ADGRB3: variants seen among roughly 807,000 people sequenced by gnomAD.
ADGRB3 encodes the protein brain-specific angiogenesis inhibitor 3.
ADGRB3 carries 37 observed loss-of-function variants against 193.4 expected under a neutral mutation model. That is an observed-to-expected ratio of 0.19 (90% CI 0.15 to 0.25). The LOEUF is 0.25. ADGRB3 is among the 10% of genes least tolerant of loss of function. The pLI, the probability that ADGRB3 is intolerant of heterozygous loss-of-function variation, is 1.00. For synonymous variants in ADGRB3, 690 were observed against 644.2 expected (o/e 1.07, Z -1.08); for missense variants, 1,637 against 1,852.9 (o/e 0.88, Z 2.14).
At chr6:69,083,061 T>C (rs1179464107) in intron 17 of ADGRB3, among the ~76,000 whole-genome samples, 1 of 152,152 alleles carries the variant, frequency 6.6e-6, no homozygotes, top group Non-Finnish European at 1.5e-5. Context: ...CCACATATAG[T>C]TCAGAATTTA....
intron 3 of ADGRB3, among the ~76,000 whole-genome samples, chr6:68,791,652 C>T (rs189784064): frequency 6.6e-6 from 1 of 152,162 alleles, no homozygotes; most frequent in East Asian, 1.9e-4. Context: ...GCCTCATTTG[C>T]CATATATGTA....
chr6:69,229,993 T>C (rs1362879307), intron 17 of ADGRB3, among the ~76,000 whole-genome samples: 1 of 152,126 alleles, frequency 6.6e-6, no homozygotes, highest in Non-Finnish European at 1.5e-5. Flanking sequence ...CAGGCTAATA[T>C]GGAGAAGAAG....
intron 3 of ADGRB3, among the ~76,000 whole-genome samples, chr6:68,690,561 C>G (rs1257480596): frequency 2.0e-5 from 3 of 151,988 alleles, no homozygotes; most frequent in Non-Finnish European, 4.4e-5. Flanking sequence ...GCATTTCTTG[C>G]CCCTGACTAC....
intron 11 of ADGRB3, among the ~76,000 whole-genome samples, chr6:68,995,317 T>G (rs1341722772): frequency 1.3e-5 from 2 of 152,186 alleles, no homozygotes; most frequent in African/African-American, 4.8e-5. Context: ...AGTTGTGATT[T>G]CAAAAAAATT....
intron 17 of ADGRB3, among the ~76,000 whole-genome samples, chr6:69,106,944 G>T (rs1265976363): frequency 6.6e-6 from 1 of 152,160 alleles, no homozygotes; most frequent in African/African-American, 2.4e-5. Context: ...AAGAAAAATG[G>T]AAGAAATTTT....
At chr6:69,223,900 G>C (rs1259285789) in intron 17 of ADGRB3, among the ~76,000 whole-genome samples, 3 of 151,700 alleles carry the variant, frequency 2.0e-5, no homozygotes, top group Admixed American at 2.0e-4. Context: ...CAAGTAATCT[G>C]TCCACCATAG....
chr6:68,701,874 C>A (rs943856421), intron 3 of ADGRB3, among the ~76,000 whole-genome samples: 1 of 152,140 alleles, frequency 6.6e-6, no homozygotes, highest in Non-Finnish European at 1.5e-5. Flanking sequence ...ATCCACTATC[C>A]TAATTACTCT....
chr6:68,825,076 C>T (rs1205931227), intron 3 of ADGRB3, among the ~76,000 whole-genome samples: 1 of 152,000 alleles, frequency 6.6e-6, no homozygotes, highest in African/African-American at 2.4e-5. Context: ...AGGCTGGCTT[C>T]GAATTCCTGA....
At chr6:69,033,110 A>G (rs1449238789) in intron 13 of ADGRB3, among the ~76,000 whole-genome samples, 1 of 152,176 alleles carries the variant, frequency 6.6e-6, no homozygotes, top group Non-Finnish European at 1.5e-5. Flanking sequence ...TACAAAGAAG[A>G]CCCAGATCTC....
chr6:69,340,761 C>A (rs1768956798), intron 26 of ADGRB3, among the ~76,000 whole-genome samples: 1 of 152,268 alleles, frequency 6.6e-6, no homozygotes, highest in South Asian at 2.1e-4. Context: ...GCCATCCCTC[C>A]TCTAGCCCCC....
At chr6:69,321,311 G>A (rs1333906597) in intron 20 of ADGRB3, among the ~76,000 whole-genome samples, 1 of 151,798 alleles carries the variant, frequency 6.6e-6, no homozygotes, top group African/African-American at 2.4e-5. Flanking sequence ...TTCATCAGCT[G>A]TGACACTGAT....
chr6:69,387,703 G>A (rs373108677), intron 31 of ADGRB3, among the ~76,000 whole-genome samples: 2 of 152,010 alleles, frequency 1.3e-5, no homozygotes, highest in South Asian at 2.1e-4. Flanking sequence ...CATGGTTTAG[G>A]TATGATAAGT....
chr6:69,249,313 A>T (rs1040569384), intron 20 of ADGRB3, among the ~76,000 whole-genome samples: 1 of 152,148 alleles, frequency 6.6e-6, no homozygotes, highest in Non-Finnish European at 1.5e-5. Flanking sequence ...CTAATCACAG[A>T]ATGCCTTCAC....
intron 3 of ADGRB3, among the ~76,000 whole-genome samples, chr6:68,697,789 GCT>G (rs1184539525): frequency 6.6e-6 from 1 of 151,904 alleles, no homozygotes; most frequent in Non-Finnish European, 1.5e-5. Flanking sequence ...TATAGGACTA[GCT>G]CTTTGCTGTT....
At chr6:68,936,332 G>T (rs1000255436) in intron 4 of ADGRB3, among the ~76,000 whole-genome samples, 187 bp from the exon 5 acceptor site, 5 of 152,142 alleles carry the variant, frequency 3.3e-5, no homozygotes, top group Non-Finnish European at 7.4e-5. Context: ...CTTGGTGTTT[G>T]CATCAGCATT....
chr6:68,749,408 ATGTGTGTGTGTGTGTGTGTG>A (rs60078030), intron 3 of ADGRB3, among the ~76,000 whole-genome samples: 2 of 136,490 alleles, frequency 1.5e-5, no homozygotes, highest in Non-Finnish European at 3.1e-5. Context: ...ATATATATAT[ATGTGTGTGTGTGTGTGTGTG>A]TGTGTGTGTG....
At chr6:69,202,705 A>G (rs1765452790) in intron 17 of ADGRB3, among the ~76,000 whole-genome samples, 1 of 152,176 alleles carries the variant, frequency 6.6e-6, no homozygotes, top group Non-Finnish European at 1.5e-5. Flanking sequence ...TTTATGAACA[A>G]CATTTCTTAT....
intron 3 of ADGRB3, among the ~76,000 whole-genome samples, chr6:68,733,234 A>G (rs1045200626): frequency 2.0e-5 from 3 of 148,122 alleles, no homozygotes; most frequent in African/African-American, 7.4e-5. Flanking sequence ...TTATATCTAT[A>G]TATATATAAA....
chr6:69,280,573 G>A (rs1767413172), intron 20 of ADGRB3, among the ~76,000 whole-genome samples: 1 of 152,226 alleles, frequency 6.6e-6, no homozygotes, highest in Admixed American at 6.5e-5. Context: ...CTACTTCACG[G>A]CAATATTGTG....
Sources: allele counts gnomAD v4.1 joint callset (sites outside exome capture counted in the v4.1 genomes callset), GRCh38; gene constraint gnomAD v4.1.1; transcripts MANE v1.5; gene names NCBI Gene and HGNC (gene_info 2026-07-23, HGNC 2026-07-21).